The following TSR1 variants were observed in gnomAD, a reference collection of about 807,000 sequenced individuals.
TSR1 encodes the protein pre-rRNA-processing protein TSR1 homolog.
Under a neutral mutation model 90.9 loss-of-function variants are expected in TSR1, and 81 were observed. The observed-to-expected ratio is 0.89, with a 90% CI of 0.74 to 1.07. The LOEUF (loss-of-function observed/expected upper bound fraction) is 1.07, where lower values mean the gene tolerates loss of function less well. TSR1 is among the 50% of genes least tolerant of loss of function. The pLI, the probability that TSR1 is intolerant of heterozygous loss-of-function variation, is 0.00. For synonymous variants in TSR1, 362 were observed against 348.8 expected, an observed-to-expected ratio of 1.04 and a Z score of -0.42; for missense variants, 989 against 987.3, an observed-to-expected ratio of 1.00 and a Z score of -0.02.
Position 2,324,806 on chromosome 17 carries a change from C to G in TSR1, c.2044G>C (p.Gly682Arg). 1 of 1,613,720 alleles carries G rather than the reference C, an allele frequency of 6.2e-7. No individual in the cohort carries two copies. Among genetic ancestry groups the G allele is most frequent in the Non-Finnish European group, 8.5e-7 (1 of 1,179,940 alleles). Residue 682 changes from glycine (G) to arginine (R), a missense_variant, in exon 13 of 15, where the codon GGC becomes CGC. Physicochemically the swap from Gly to Arg is moderately radical, Grantham distance 125. Transcript: ENST00000301364. ...TCTGGATCTACTGACATAAGATGGCCTGTAGCAATGAGGCTGTGCATTCCT... is the reference window on the plus strand; with the variant it reads ...TCTGGATCTACTGACATAAGATGGCGTGTAGCAATGAGGCTGTGCATTCCT... ...SNGMHSLIAT[G>R]HLMSVDPDRM...
Position 2,323,451 on chromosome 17 carries a change from AC to A in TSR1, c.*744del. The A allele has an allele frequency of 7.5e-7, 1 of 1,325,098 alleles. No individual in the cohort carries two copies. The highest frequency in any genetic ancestry group is 1.1e-6 in the Non-Finnish European group (1 of 940,566). The allele number at this position is 1,325,098 out of a possible 1,614,324, so 82.1% of individuals were successfully genotyped here. A position where few individuals can be genotyped will look rare whatever the true frequency, so the allele number is the denominator to read the frequency against. On this transcript the variant is annotated 3_prime_UTR_variant, in exon 15 of 15. Transcript: ENST00000301364. ...TGACCCACGGGAACCTGACTAGGTAACTTCATGACATGGGAGGGTACCCTAG... is the reference window on the plus strand; with the variant it reads ...TGACCCACGGGAACCTGACTAGGTAATTCATGACATGGGAGGGTACCCTAG...
rs1383054158 is a variant in TSR1 at position 2,323,372 on chromosome 17, G to A, written c.*824C>T. The A allele has an allele frequency of 6.2e-7, 1 of 1,612,708 alleles. No homozygotes were observed. Among genetic ancestry groups the A allele is most frequent in the South Asian group, 1.1e-5 (1 of 90,934 alleles). Reference sequence around the variant, plus strand: ...TGAGGCTCCAGCAAGAAAAGAAATAGCAAAGCATGGTGTAACTTCTTAGGC... The same window carrying A: ...TGAGGCTCCAGCAAGAAAAGAAATAACAAAGCATGGTGTAACTTCTTAGGC... On this transcript the variant is annotated 3_prime_UTR_variant, in exon 15 of 15. Transcript: ENST00000301364.
chr17:2,334,201 C>T (rs2064028306), intron 5 of TSR1, among the ~76,000 whole-genome samples: 1 of 152,222 alleles, frequency 6.6e-6, no homozygotes, highest in South Asian at 2.1e-4. Context: ...TTATTTCACA[C>T]ATGCCATTTT....
rs2064010240 is a variant in TSR1, at chr17:2,332,252, C to T, written c.1413G>A (p.Met471Ile). ...GTCTTTCTTGTTTATATTTCTCCAA[C>T]ATTTTTGCCTCAGCTTCTTCATCTA... ...KKVDEEAEAK[M>I]LEKYKQERLE... Residue 471 changes from methionine (M) to isoleucine (I), a missense_variant, in exon 8 of 15, where the codon ATG (methionine) becomes ATA (isoleucine). Met to Ile is a conservative substitution (Grantham distance 10). Coordinates refer to ENST00000301364, the MANE Select transcript of TSR1 (RefSeq NM_018128.5). The T allele has an allele frequency of 1.2e-6, 2 of 1,614,110 alleles. No individual in the cohort carries two copies. The highest frequency in any genetic ancestry group is 2.2e-5 in the East Asian group (1 of 44,876).
chr17:2,333,424 C>A, intron 6 of TSR1, 133 bp downstream of exon 6: 2 of 1,068,504 alleles, frequency 1.9e-6, no homozygotes, highest in Non-Finnish European at 2.8e-6. Flanking sequence ...AAACATACAG[C>A]ATTTGAGGGT....
chr17:2,333,023 C>G lies in TSR1; in HGVS notation c.1243G>C (p.Glu415Gln). 1 of 1,614,118 alleles carries G rather than the reference C, an allele frequency of 6.2e-7. No homozygotes were observed. The highest frequency in any genetic ancestry group is 8.5e-7 in the Non-Finnish European group (1 of 1,180,026). ...TCATCATATTCATATTCATCTCCTT[C>G]CCCACCACTTTGGCTGCCACCATCC... ...ILDGGSQSGGEGDEYEYDDME... is the reference protein window; with the variant it reads ...ILDGGSQSGGQGDEYEYDDME... Residue 415 changes from glutamate (E) to glutamine (Q), a missense_variant, in exon 7 of 15, where the codon GAA becomes CAA. Transcript: ENST00000301364.
In TSR1 at chr17:2,325,426, A is replaced by T. The variant is rs538035027; in HGVS notation, c.1904-6T>A. 3.4e-5 allele frequency: 54 copies of T among 1,604,264 alleles called. No homozygotes were observed. Among genetic ancestry groups the T allele is most frequent in the Non-Finnish European group, 4.4e-5 (52 of 1,176,432 alleles). ...CTGCAATTTATGTTTGTCCGCTGCCATAAGGGTTAAAAAATGAAAAGCAAA... is the reference window on the plus strand; with the variant it reads ...CTGCAATTTATGTTTGTCCGCTGCCTTAAGGGTTAAAAAATGAAAAGCAAA... On this transcript the variant is annotated splice_region_variant and splice_polypyrimidine_tract_variant and intron_variant, in intron 11 of 14. Transcript: ENST00000301364.
chr17:2,332,986 T>G lies in TSR1; in HGVS notation c.1280A>C (p.Glu427Ala). ...DEYEYDDMEH[E>A]DFMEEESQDE... The stretch of plus-strand genomic sequence containing the variant: ...CTGAGATTCCTCCTCCATAAAATCC[T>G]CATGTTCCATATCATCATATTCATA... Residue 427 changes from glutamate to alanine, a missense_variant, in exon 7 of 15, where the codon GAG becomes GCG. Transcript: ENST00000301364. 1 of 1,614,050 alleles carries G rather than the reference T, an allele frequency of 6.2e-7. No individual in the cohort carries two copies. The highest frequency in any genetic ancestry group is 8.5e-7 in the Non-Finnish European group (1 of 1,179,980).
chr17:2,330,473 A>G, intron 10 of TSR1, 42 bp downstream of exon 10: 1 of 1,573,594 alleles, frequency 6.4e-7, no homozygotes, highest in Non-Finnish European at 8.7e-7. Context: ...AGCAGCTGGA[A>G]AGTTTCACAA....
At chr17:2,329,608 T>C (rs1597276400) in intron 10 of TSR1, 133 bp from the exon 11 acceptor site, 2 of 1,118,252 alleles carry the variant, frequency 1.8e-6, no homozygotes, top group East Asian at 2.5e-5. Context: ...TGGTGGAGTG[T>C]AGATGCTGAA....
rs1185811515 is a variant in TSR1, at chr17:2,330,551, G to C, written c.1734C>G (p.Pro578=). Residue 578 remains proline (P), a synonymous_variant, in exon 10 of 15, where the codon CCC becomes CCG. Transcript: ENST00000301364. The part of the protein sequence containing the change: ...SVVECFRQGT[P]LIAFSLLPHE... ...GAGGTAGTAAAGAAAATGCAATCAA[G>C]GGTGTTCCTTGCCTGAAGCACTCGA... 5 of 1,613,814 alleles carry C rather than the reference G, an allele frequency of 3.1e-6. No individual in the cohort carries two copies. The highest frequency in any genetic ancestry group is 1.3e-5 in the African/African-American group (1 of 74,918).
rs1323783743 is a variant in TSR1 at position 2,334,781 on chromosome 17, G to A, written c.672C>T (p.Asp224=). 7 of 1,614,220 alleles carry A rather than the reference G, an allele frequency of 4.3e-6. No individual in the cohort carries two copies. The highest frequency in any genetic ancestry group is 5.9e-6 in the Non-Finnish European group (7 of 1,180,038). ...GCAGCATCCCTGCCTCCTGTTGAGT[G>A]TCTAACAAGAGGAGTTTGTCATGCG... is the stretch of plus-strand genomic sequence containing the variant. ...RFPHDKLLLL[D]TQQEAGMLLR... is the part of the protein sequence containing the mutation. The change falls in exon 5 of 15, where the codon GAC becomes GAT. Residue 224 remains aspartate, a synonymous_variant. Transcript: ENST00000301364.
At position 2,329,386 on chromosome 17, in the gene TSR1, G is replaced by C. The variant is rs1263070471; in HGVS notation, c.1860C>G (p.Phe620Leu). Residue 620 changes from phenylalanine to leucine, a missense_variant, in exon 11 of 15, where the codon TTC (phenylalanine) becomes TTG (leucine). Phe to Leu is a conservative substitution (Grantham distance 22). Coordinates refer to ENST00000301364, the MANE Select transcript of TSR1 (RefSeq NM_018128.5). ...ATAAAGGTGAGGCTCGGAAGCGCCT[G>C]AATCCACAGTGAAATATGAGCTCTT... The part of the protein sequence containing the change: ...AKEELIFHCG[F>L]RRFRASPLFS... 1 of 1,614,192 alleles carries C rather than the reference G, an allele frequency of 6.2e-7. No individual in the cohort carries two copies. Among genetic ancestry groups the C allele is most frequent in the Non-Finnish European group, 8.5e-7 (1 of 1,180,036 alleles).
In TSR1 at chr17:2,329,460, T is replaced by C. The variant is rs143806038; in HGVS notation, c.1786A>G (p.Met596Val). Residue 596 changes from methionine to valine, a missense_variant, in exon 11 of 15, where the codon ATG becomes GTG. Coordinates refer to ENST00000301364, the MANE Select transcript of TSR1 (RefSeq NM_018128.5). ...PHEQKMSVLN[M>V]VVRRDPGNTE... The stretch of plus-strand genomic sequence containing the variant: ...TTGCCAGGGTCACGCCTCACCACCA[T>C]ATTCAATACTGACATCTGGGGACCA... The C allele has an allele frequency of 6.2e-7, 1 of 1,614,116 alleles. No individual in the cohort carries two copies. Among genetic ancestry groups the C allele is most frequent in the African/African-American group, 1.3e-5 (1 of 75,010 alleles).
chr17:2,335,402 T>C lies in TSR1; in HGVS notation c.422-8A>G, dbSNP rs368050815. 3.6e-5 allele frequency: 57 copies of C among 1,605,128 alleles called. No individual in the cohort carries two copies. In the East Asian group the frequency reaches 3.8e-4, roughly 11 times the overall value. ...ACACAACGTGCAGATCCCCTGCAGA[T>C]AGAAGACACAGTAAGAAGAGGTGGT... On this transcript the variant is annotated splice_polypyrimidine_tract_variant and splice_region_variant and intron_variant, in intron 3 of 14. Coordinates refer to ENST00000301364, the MANE Select transcript of TSR1 (RefSeq NM_018128.5).
chr17:2,335,853 G>A (rs1240994473), intron 2 of TSR1, 123 bp from the exon 3 acceptor site: 3 of 1,300,604 alleles, frequency 2.3e-6, no homozygotes, highest in Admixed American at 4.4e-5. Context: ...AAAGACCACA[G>A]GTATGCCAGC....
intron 8 of TSR1, 142 bp downstream of exon 8, chr17:2,332,027 G>C (rs2064007584): frequency 1.2e-6 from 1 of 855,078 alleles, no homozygotes; most frequent in Non-Finnish European, 1.8e-6. Context: ...TGTATGTCCT[G>C]CCTTCCCATA....
intron 10 of TSR1, among the ~76,000 whole-genome samples, chr17:2,329,895 GAA>G (rs2075595035): frequency 6.6e-6 from 1 of 151,066 alleles, no homozygotes; most frequent in African/African-American, 2.4e-5. Flanking sequence ...GCCACCAAGA[GAA>G]AAGAGATCTG....
In TSR1 at chr17:2,322,931, AT is replaced by A. The variant is rs374109887; in HGVS notation, c.*1264del. 1.8e-5 allele frequency: 10 copies of A among 543,272 alleles called. No homozygotes were observed. The highest frequency in any genetic ancestry group is 2.3e-5 in the Non-Finnish European group (7 of 302,844). 33.7% of individuals were successfully genotyped at this position (543,272 alleles called of 1,614,324 possible). A position where few individuals can be genotyped will look rare whatever the true frequency, so the allele number is the denominator to read the frequency against. ...AGGGGTCTGCCACCACGCCTGGCTGATTTTCCTATTTTTAGTTGACACTGCA... is the reference window on the plus strand; with the variant it reads ...AGGGGTCTGCCACCACGCCTGGCTGATTTCCTATTTTTAGTTGACACTGCA... On this transcript the variant is annotated 3_prime_UTR_variant, in exon 15 of 15. Transcript: ENST00000301364.
Sources: gnomAD v4.1 joint callset for allele counts (sites outside exome capture counted in the v4.1 genomes callset) on GRCh38, gnomAD v4.1.1 for gene constraint, MANE v1.5 for transcripts, NCBI Gene and HGNC (gene_info 2026-07-23, HGNC 2026-07-21) for gene names.